Variants in HOMEZ observed in about 807,000 individuals in gnomAD.
HOMEZ encodes homeobox and leucine zipper protein Homez.
HOMEZ carries 20 observed loss-of-function variants against 50.1 expected under a neutral mutation model. The observed-to-expected ratio is 0.40, with a 90% CI of 0.28 to 0.58. The LOEUF is 0.58. Among genes scored for constraint, HOMEZ ranks in the 20% least tolerant of loss-of-function variants. The pLI is 0.46. For missense variants in HOMEZ, 579 were observed against 680.5 expected (o/e 0.85, Z 1.66); for synonymous variants, 239 against 254.7 (o/e 0.94, Z 0.59).
chr14:23,275,615 TCTTCCTCC>T lies in HOMEZ; in HGVS notation c.1605_1612del (p.Glu536Ter), dbSNP rs771610673. Reference sequence around the variant, plus strand: ...CACATCATCATCATCATCATCATCATCTTCCTCCTCCTCCTCCTCCTCTTCCTCATCAT... The same window carrying T: ...CACATCATCATCATCATCATCATCATTCCTCCTCCTCCTCTTCCTCATCAT... On this transcript the variant is annotated frameshift_variant, in exon 2 of 2. Transcript: ENST00000357460. LOFTEE classifies it high-confidence loss of function. The T allele has an allele frequency of 4.5e-5, 64 of 1,433,218 alleles. No individual in the cohort carries two copies. Among genetic ancestry groups the T allele is most frequent in the African/African-American group, 1.9e-4 (12 of 64,728 alleles). 88.8% of individuals were successfully genotyped at this position (1,433,218 alleles called of 1,614,324 possible).
intron 1 of HOMEZ, among the ~76,000 whole-genome samples, chr14:23,282,894 G>C (rs902560750): frequency 7.2e-5 from 11 of 152,210 alleles, no homozygotes; most frequent in African/African-American, 2.4e-4. Flanking sequence ...TCCTGAAACA[G>C]AATGGTGGCT....
At position 23,276,851 on chromosome 14, in the gene HOMEZ, ACTCGGGCTC is replaced by A; in HGVS notation, c.368_376del (p.Arg123_Val126delinsLeu). 1 of 1,613,958 alleles carries A rather than the reference ACTCGGGCTC, an allele frequency of 6.2e-7. No homozygotes were observed. The highest frequency in any genetic ancestry group is 1.3e-5 in the African/African-American group (1 of 75,018). ...ATGGAGTTGGTCCCGACGGTAGACT[ACTCGGGCTC>A]GAGTCTCTTCTATTTCTTCAGATGA... On this transcript the variant is annotated inframe_deletion, in exon 2 of 2. Coordinates refer to ENST00000357460, the MANE Select transcript of HOMEZ (RefSeq NM_020834.3). The surrounding 1 kb of genome is among the most constrained non-coding windows in gnomAD (Gnocchi z 4.1).
intron 1 of HOMEZ, chr14:23,285,384 C>T (rs778427026): frequency 6.6e-6 from 1 of 152,164 alleles, no homozygotes; most frequent in Non-Finnish European, 1.5e-5. Context: ...TTCTCAGTTT[C>T]CTGGTTGGTT....
In HOMEZ at chr14:23,273,832, G is replaced by A. The variant is rs910475312; in HGVS notation, c.*1743C>T. On this transcript the variant is annotated 3_prime_UTR_variant, in exon 2 of 2. Coordinates refer to ENST00000357460, the MANE Select transcript of HOMEZ (RefSeq NM_020834.3). ...CTGTTGTATCTCTGTTACTCCTGAA[G>A]CCTCAGAAATTTTAGTCATTATCAT... 1.3e-5 allele frequency: 2 copies of A among 152,372 alleles called. No homozygotes were observed. Among genetic ancestry groups the A allele is most frequent in the African/African-American group, 4.8e-5 (2 of 41,460 alleles). 9.4% of individuals were successfully genotyped at this position (152,372 alleles called of 1,614,324 possible).
chr14:23,276,631 CTGG>C lies in HOMEZ; in HGVS notation c.594_596del (p.His198del). The C allele has an allele frequency of 3.7e-6, 6 of 1,614,022 alleles. No individual in the cohort carries two copies. The highest frequency in any genetic ancestry group is 5.1e-6 in the Non-Finnish European group (6 of 1,179,898). On this transcript the variant is annotated inframe_deletion, in exon 2 of 2. Transcript: ENST00000357460. This position sits in a 1 kb window ranked among gnomAD's most constrained non-coding sequence, Gnocchi z 4.1. ...GTGTCATCAGGGACTCCTTTAATTT[CTGG>C]TGACTCTGTGGCAGTGGTGGCATCT...
chr14:23,279,250 T>C (rs1886435123), intron 1 of HOMEZ, among the ~76,000 whole-genome samples: 1 of 152,208 alleles, frequency 6.6e-6, no homozygotes, highest in Non-Finnish European at 1.5e-5. Context: ...TTCTTTTTTT[T>C]TTCTTCTCAG....
In HOMEZ at chr14:23,280,730, ATTTTATTTTATTATT is replaced by A. The variant is rs1212076459; in HGVS notation, c.41-3558_41-3544del. ...TTTTATTTTTATTTTATTTTATTTT[ATTTTATTTTATTATT>A]TTATTTTATTTTATTTTATTTTATT... On this transcript the variant is annotated intron_variant, in intron 1 of 1. Transcript: ENST00000357460. Among the ~76,000 whole-genome samples, 24 of 70,624 alleles carry A rather than the reference ATTTTATTTTATTATT, an allele frequency of 3.4e-4. 2 individuals carry two copies. Among genetic ancestry groups the A allele is most frequent in the African/African-American group, 1.3e-3 (23 of 17,466 alleles). 46.3% of individuals were successfully genotyped at this position (70,624 alleles called of 152,430 possible).
chr14:23,277,872 C>T (rs1034689003), intron 1 of HOMEZ, among the ~76,000 whole-genome samples: 2 of 151,774 alleles, frequency 1.3e-5, no homozygotes, highest in Non-Finnish European at 2.9e-5. Flanking sequence ...CTCTCTCGCC[C>T]AGGCTGGAGT....
At chr14:23,283,168 T>C (rs1886593229) in intron 1 of HOMEZ, among the ~76,000 whole-genome samples, 1 of 152,154 alleles carries the variant, frequency 6.6e-6, no homozygotes. Flanking sequence ...TGAATATCTA[T>C]TCTGAACAAC....
In HOMEZ at chr14:23,276,149, G is replaced by A; in HGVS notation, c.1079C>T (p.Thr360Ile). Residue 360 changes from threonine (T) to isoleucine (I), a missense_variant, in exon 2 of 2, where the codon ACC (threonine) becomes ATC (isoleucine). Physicochemically the swap from Thr to Ile is moderately conservative, Grantham distance 89 (BLOSUM62 -1). Transcript: ENST00000357460. This position sits in a 1 kb window ranked among gnomAD's most constrained non-coding sequence, Gnocchi z 4.1. ...CAGCTGCTCTTTGGTTTTGCGCTTG[G>A]TCTTTCGCTGGCGTTGCATATCTGG... is the stretch of plus-strand genomic sequence containing the variant. Reference protein sequence around the residue: ...LSPDMQRQRKTKRKTKEQLAI... With the variant: ...LSPDMQRQRKIKRKTKEQLAI... 1.9e-6 allele frequency: 3 copies of A among 1,613,930 alleles called. No homozygotes were observed. Among genetic ancestry groups the A allele is most frequent in the Non-Finnish European group, 2.5e-6 (3 of 1,179,842 alleles).
chr14:23,279,012 G>A (rs1217806031), intron 1 of HOMEZ, among the ~76,000 whole-genome samples: 1 of 149,082 alleles, frequency 6.7e-6, no homozygotes, highest in Non-Finnish European at 1.5e-5. Context: ...TTGAGACAGA[G>A]TCTTTCTGTC....
chr14:23,280,689 A>ATTT (rs1180834418), intron 1 of HOMEZ, among the ~76,000 whole-genome samples: 9 of 118,502 alleles, frequency 7.6e-5, no homozygotes, highest in East Asian at 5.5e-4. Context: ...GTTATATTTT[A>ATTT]TTTTTATTTT....
chr14:23,282,601 A>G (rs1055501617), intron 1 of HOMEZ, among the ~76,000 whole-genome samples: 1 of 152,184 alleles, frequency 6.6e-6, no homozygotes, highest in Non-Finnish European at 1.5e-5. Flanking sequence ...GTCCTATTAT[A>G]TAAAGACACA....
chr14:23,274,237 G>A lies in HOMEZ; in HGVS notation c.*1338C>T, dbSNP rs969045163. The A allele has an allele frequency of 4.6e-5, 7 of 152,710 alleles. No homozygotes were observed. Among genetic ancestry groups the A allele is most frequent in the African/African-American group, 1.7e-4 (7 of 41,552 alleles). The allele number at this position is 152,710 out of a possible 1,614,324, so 9.5% of individuals were successfully genotyped here. A position where few individuals can be genotyped will look rare whatever the true frequency, so the allele number is the denominator to read the frequency against. ...CGATGGTCCCTCTGTCCCTAAGACAGATCCTATCAAGAGAGGGAAAAGTCT... is the reference window on the plus strand; with the variant it reads ...CGATGGTCCCTCTGTCCCTAAGACAAATCCTATCAAGAGAGGGAAAAGTCT... On this transcript the variant is annotated 3_prime_UTR_variant, in exon 2 of 2. Transcript: ENST00000357460.
chr14:23,278,120 C>T (rs561482262), intron 1 of HOMEZ, among the ~76,000 whole-genome samples: 19 of 150,954 alleles, frequency 1.3e-4, no homozygotes, highest in South Asian at 2.1e-4. Context: ...GTCACCACAC[C>T]CAGCTGGTGG....
In HOMEZ at chr14:23,273,852, T is replaced by C. The variant is rs924320549; in HGVS notation, c.*1723A>G. ...CTGAAGCCTCAGAAATTTTAGTCAT[T>C]ATCATTTGATGGCTGAGAAACAACC... On this transcript the variant is annotated 3_prime_UTR_variant, in exon 2 of 2. Coordinates refer to ENST00000357460, the MANE Select transcript of HOMEZ (RefSeq NM_020834.3). 3 of 152,530 alleles carry C rather than the reference T, an allele frequency of 2.0e-5. No homozygotes were observed. The highest frequency in any genetic ancestry group is 7.2e-5 in the African/African-American group (3 of 41,472). The allele number at this position is 152,530 out of a possible 1,614,324, so 9.4% of individuals were successfully genotyped here. A position where few individuals can be genotyped will look rare whatever the true frequency, so the allele number is the denominator to read the frequency against.
rs1314097731 is a variant in HOMEZ, at chr14:23,273,537, T to C, written c.*2038A>G. The stretch of plus-strand genomic sequence containing the variant: ...TGGGCGAACAACACTATCACTGAGA[T>C]CAAACATGTATTCTACTTTGGGTTT... On this transcript the variant is annotated 3_prime_UTR_variant, in exon 2 of 2. Transcript: ENST00000357460. 1 of 152,214 alleles carries C rather than the reference T, an allele frequency of 6.6e-6. No individual in the cohort carries two copies. Among genetic ancestry groups the C allele is most frequent in the African/African-American group, 2.4e-5 (1 of 41,458 alleles). 9.4% of individuals were successfully genotyped at this position (152,214 alleles called of 1,614,324 possible).
rs1886656908 is a variant in HOMEZ at position 23,286,035 on chromosome 14, C to A, written c.-83G>T. 7.3e-6 allele frequency: 9 copies of A among 1,232,446 alleles called. No homozygotes were observed. Among genetic ancestry groups the A allele is most frequent in the Non-Finnish European group, 8.1e-6 (8 of 987,442 alleles). The allele number at this position is 1,232,446 out of a possible 1,614,324, so 76.3% of individuals were successfully genotyped here. ...GCCCGGTGCGGCCGCTCCGAGCCCA[C>A]CCCAGCGATGGCCGAAACCGGGACT... is the stretch of plus-strand genomic sequence containing the variant. On this transcript the variant is annotated 5_prime_UTR_variant, in exon 1 of 2. Coordinates refer to ENST00000357460, the MANE Select transcript of HOMEZ (RefSeq NM_020834.3).
At chr14:23,279,288 G>A (rs73602455) in intron 1 of HOMEZ, among the ~76,000 whole-genome samples, 8,122 of 152,042 alleles carry the variant, frequency 0.053, 697 homozygotes, top group African/African-American at 0.18. Context: ...ATAGAAGGGT[G>A]CGCCCTCATA....
Sources: allele counts gnomAD v4.1 joint callset (sites outside exome capture counted in the v4.1 genomes callset), GRCh38; gene constraint gnomAD v4.1.1; non-coding constraint Gnocchi (gnomAD v3.1); transcripts MANE v1.5; gene names NCBI Gene and HGNC (gene_info 2026-07-23, HGNC 2026-07-21).